ACSM3: variants seen among roughly 807,000 people sequenced by gnomAD.
ACSM3 encodes acyl-CoA synthetase medium chain family member 3.
In ACSM3, 61 loss-of-function variants were observed where a neutral mutation model predicts 74.1. The ratio of observed to expected loss-of-function variants is 0.82; its 90% CI spans 0.67 to 1.02. The LOEUF (loss-of-function observed/expected upper bound fraction) is 1.02. Among genes scored for constraint, ACSM3 ranks in the 50% least tolerant of loss-of-function variants. The pLI, the probability that ACSM3 is intolerant of heterozygous loss-of-function variation, is 0.00. For synonymous variants in ACSM3, 213 were observed against 241.5 expected (o/e 0.88, Z 1.09); for missense variants, 660 against 697.0 (o/e 0.95, Z 0.60).
intron 1 of ACSM3, chr16:20,680,594 T>C (rs2079422345): frequency 1.3e-5 from 2 of 152,166 alleles, no homozygotes; most frequent in African/African-American, 4.8e-5. Flanking sequence ...AAAACCTCCA[T>C]AATTGGAAAG....
chr16:20,745,862 G>A (rs1017596369), intron 1 of ACSM3, among the ~76,000 whole-genome samples: 3 of 152,070 alleles, frequency 2.0e-5, no homozygotes, highest in Admixed American at 6.6e-5. Context: ...GACACTCCTC[G>A]TGTTCTGACC....
chr16:20,737,347 A>G (rs2079880061), intron 1 of ACSM3: 4 of 1,504,208 alleles, frequency 2.7e-6, no homozygotes, highest in Non-Finnish European at 3.5e-6. Flanking sequence ...GATAGATACA[A>G]AAAATCTTTT....
chr16:20,678,778 A>G (rs1325454630), intron 1 of ACSM3, among the ~76,000 whole-genome samples: 1 of 152,240 alleles, frequency 6.6e-6, no homozygotes, highest in African/African-American at 2.4e-5. Context: ...TGAACCAGAC[A>G]CTAAAACAAC....
At chr16:20,691,304 G>T in intron 1 of ACSM3, 1 of 876,676 alleles carries the variant, frequency 1.1e-6, no homozygotes, top group Non-Finnish European at 1.7e-6. Context: ...TTGGGTGCAT[G>T]TTTTTGGTTA....
chr16:20,755,084 C>G (rs764453468), intron 2 of ACSM3, among the ~76,000 whole-genome samples: 2 of 152,150 alleles, frequency 1.3e-5, no homozygotes, highest in Non-Finnish European at 2.9e-5. Flanking sequence ...AGAAGAAGCT[C>G]CTTGCAACTC....
chr16:20,732,320 G>T (rs1412656504), intron 1 of ACSM3, among the ~76,000 whole-genome samples: 1 of 152,062 alleles, frequency 6.6e-6, no homozygotes, highest in Admixed American at 6.5e-5. Context: ...TCAGTCAAAA[G>T]GTAGTAAATT....
chr16:20,756,511 T>C (rs938805459), intron 3 of ACSM3, among the ~76,000 whole-genome samples: 23 of 152,314 alleles, frequency 1.5e-4, no homozygotes, highest in African/African-American at 5.5e-4. Flanking sequence ...TCTGTTTGAG[T>C]TCATTGTAGA....
intron 2 of ACSM3, among the ~76,000 whole-genome samples, chr16:20,774,612 C>A (rs1487026696): frequency 1.3e-5 from 2 of 152,242 alleles, no homozygotes; most frequent in African/African-American, 2.4e-5. Flanking sequence ...TGTTTTTTAT[C>A]CATTTAGTCA....
chr16:20,793,407 T>G (rs1387325222), intron 12 of ACSM3, among the ~76,000 whole-genome samples: 1 of 152,178 alleles, frequency 6.6e-6, no homozygotes, highest in Non-Finnish European at 1.5e-5. Flanking sequence ...ACGGGGAGGT[T>G]ACAGTGAGCC....
chr16:20,688,916 A>G (rs954360188), intron 1 of ACSM3, among the ~76,000 whole-genome samples: 1 of 150,504 alleles, frequency 6.6e-6, no homozygotes, highest in Non-Finnish European at 1.5e-5. Context: ...TATTTGTTAC[A>G]GTATTTAAAA....
rs774941757 is a variant in ACSM3, at chr16:20,770,016, A to G, written c.-19A>G. ...GGTCTCTGTGCAAATCCTGAGTGCT[A>G]AAGCTTCCAACAAGACTGATGCTAG... On this transcript the variant is annotated 5_prime_UTR_variant, in exon 2 of 14. Transcript: ENST00000289416. The G allele has an allele frequency of 1.9e-6, 3 of 1,613,034 alleles. No individual in the cohort carries two copies. In the Admixed American group the frequency reaches 5.0e-5, roughly 27 times the overall value.
intron 1 of ACSM3, among the ~76,000 whole-genome samples, chr16:20,676,452 G>A (rs1369118172): frequency 2.0e-5 from 3 of 152,162 alleles, no homozygotes; most frequent in Non-Finnish European, 2.9e-5. Context: ...TAACCCTAAG[G>A]CTGCTGAAAA....
intron 1 of ACSM3, among the ~76,000 whole-genome samples, chr16:20,717,188 G>A (rs557739031): frequency 6.6e-6 from 1 of 152,294 alleles, no homozygotes; most frequent in East Asian, 1.9e-4. Context: ...AACAGGATGG[G>A]GCAAGGGAAG....
intron 1 of ACSM3, chr16:20,743,822 C>G (rs2079946923): frequency 6.6e-6 from 1 of 152,194 alleles, no homozygotes; most frequent in East Asian, 1.9e-4. Context: ...CTTCTGCTGG[C>G]TGGGTTTCAG....
At chr16:20,742,813 A>ATATATATATTTTTT (rs61582869) in intron 1 of ACSM3, among the ~76,000 whole-genome samples, 1 of 66,820 alleles carries the variant, frequency 1.5e-5, no homozygotes, top group East Asian at 3.4e-4. Context: ...ATATATATAT[A>ATATATATATTTTTT]TTTTTTTTTT....
chr16:20,737,521 T>C (rs1011296305), intron 1 of ACSM3, among the ~76,000 whole-genome samples: 8 of 152,230 alleles, frequency 5.3e-5, no homozygotes, highest in Non-Finnish European at 1.2e-4. Context: ...AAGACTTTTA[T>C]CTAACTACCA....
chr16:20,722,444 G>T (rs2079789110), intron 1 of ACSM3, among the ~76,000 whole-genome samples: 2 of 152,114 alleles, frequency 1.3e-5, no homozygotes, highest in African/African-American at 4.8e-5. Context: ...CCAGAAGGAG[G>T]AGCTCTAAAA....
At chr16:20,719,904 A>T (rs2079779549) in intron 1 of ACSM3, among the ~76,000 whole-genome samples, 1 of 152,230 alleles carries the variant, frequency 6.6e-6, no homozygotes, top group Admixed American at 6.5e-5. Flanking sequence ...GGACAGCTAG[A>T]TTGAGATATC....
intron 7 of ACSM3, chr16:20,783,565 T>C (rs1397502681): frequency 6.6e-6 from 1 of 152,206 alleles, no homozygotes; most frequent in African/African-American, 2.4e-5. Context: ...AACATCTATG[T>C]ATTTCTTGTT....
Sources: allele counts gnomAD v4.1 joint callset (sites outside exome capture counted in the v4.1 genomes callset), GRCh38; gene constraint gnomAD v4.1.1; transcripts MANE v1.5; gene names NCBI Gene and HGNC (gene_info 2026-07-23, HGNC 2026-07-21).